HIRA: variants seen among roughly 807,000 people sequenced by gnomAD.
HIRA encodes the protein protein HIRA.
HIRA carries 13 observed loss-of-function variants against 126.6 expected under a neutral mutation model. That is an observed-to-expected ratio of 0.10 (90% CI 0.07 to 0.16). HIRA has a LOEUF of 0.16. Ranked by LOEUF, HIRA falls within the 10% of genes least tolerant of loss-of-function variation. The probability of loss-of-function intolerance (pLI) is 1.00; values close to 1 mark genes in which losing one functional copy is unlikely to be tolerated. For synonymous variants in HIRA, 511 were observed against 520.0 expected (o/e 0.98, Z 0.24); for missense variants, 834 against 1,314.4 (o/e 0.63, Z 5.65).
intron 24 of HIRA, among the ~76,000 whole-genome samples, chr22:19,335,649 A>G (rs1556005763): frequency 6.6e-6 from 1 of 152,108 alleles, no homozygotes; most frequent in East Asian, 1.9e-4. Flanking sequence ...TTACTTAGTT[A>G]CATATAAATA....
intron 4 of HIRA, 25 bp downstream of exon 4, chr22:19,407,159 G>T: frequency 1.3e-6 from 2 of 1,576,278 alleles, no homozygotes; most frequent in Non-Finnish European, 1.7e-6. Context: ...AAAATAAAAT[G>T]TGAAGAAAGG....
At chr22:19,349,879 C>T (rs1319406261) in intron 24 of HIRA, among the ~76,000 whole-genome samples, 1 of 152,212 alleles carries the variant, frequency 6.6e-6, no homozygotes, top group East Asian at 1.9e-4. Flanking sequence ...CCACCTCAGG[C>T]CTTTGCACTT....
intron 13 of HIRA, among the ~76,000 whole-genome samples, chr22:19,382,887 C>A (rs2089089082): frequency 6.6e-6 from 1 of 151,968 alleles, no homozygotes; most frequent in South Asian, 2.1e-4. Context: ...TCTCTTCCCC[C>A]TTCTCTGTCC....
intron 21 of HIRA, among the ~76,000 whole-genome samples, chr22:19,354,941 T>A (rs998607305): frequency 7.0e-5 from 10 of 143,272 alleles, no homozygotes; most frequent in East Asian, 4.0e-4. Flanking sequence ...TTATTTAAAA[T>A]TTTTTTTTTT....
intron 13 of HIRA, 59 bp from the exon 14 acceptor site, chr22:19,378,125 T>C: frequency 7.7e-7 from 1 of 1,301,770 alleles, no homozygotes; most frequent in Non-Finnish European, 1.0e-6. Flanking sequence ...TCCAGTACTT[T>C]ATACATTCAA....
intron 2 of HIRA, 107 bp from the exon 3 acceptor site, chr22:19,408,700 C>T (rs2089326591): frequency 1.5e-6 from 1 of 651,074 alleles, no homozygotes; most frequent in South Asian, 1.7e-5. Flanking sequence ...CTTCCATAAA[C>T]AATAATTAAC....
chr22:19,359,409 G>C lies in HIRA; in HGVS notation c.2161C>G (p.Leu721Val), dbSNP rs1355139779. The change falls in exon 18 of 25, where the codon CTG becomes GTG. Residue 721 changes from leucine to valine, a missense_variant. Transcript: ENST00000263208. Reference sequence around the variant, plus strand: ...TCCTTCCCTTCCCGGTTGCACTTCAGGCGGCTCAGCTTCACGCCCCCCACC... The same window carrying C: ...TCCTTCCCTTCCCGGTTGCACTTCACGCGGCTCAGCTTCACGCCCCCCACC... ...TVVGGVKLSR[L>V]KCNREGKEWE... The C allele has an allele frequency of 6.2e-7, 1 of 1,610,608 alleles. No individual in the cohort carries two copies. Among genetic ancestry groups the C allele is most frequent in the African/African-American group, 1.3e-5 (1 of 74,870 alleles).
intron 15 of HIRA, among the ~76,000 whole-genome samples, chr22:19,371,638 T>C (rs950184188): frequency 6.6e-6 from 1 of 152,290 alleles, no homozygotes; most frequent in East Asian, 1.9e-4. Context: ...TTATCCTCCC[T>C]CCCTCAGACC....
chr22:19,383,766 A>T (rs902097417), intron 12 of HIRA, 61 bp from the exon 13 acceptor site: 13 of 1,316,030 alleles, frequency 9.9e-6, no homozygotes, highest in African/African-American at 1.5e-5. Context: ...TCCAAATATT[A>T]AAAAATAAAG....
At chr22:19,348,547 G>T (rs1556009634) in intron 24 of HIRA, among the ~76,000 whole-genome samples, 1 of 151,600 alleles carries the variant, frequency 6.6e-6, no homozygotes, top group Non-Finnish European at 1.5e-5. Context: ...CTGGGCTGGT[G>T]TGCAATGGCG....
At chr22:19,383,226 T>C (rs909504265) in intron 13 of HIRA, among the ~76,000 whole-genome samples, 2 of 152,166 alleles carry the variant, frequency 1.3e-5, no homozygotes, top group Non-Finnish European at 2.9e-5. Flanking sequence ...TTTTTCTTCT[T>C]TGGGCTTTTA....
intron 17 of HIRA, 79 bp from the exon 18 acceptor site, chr22:19,359,563 G>A: frequency 7.2e-7 from 1 of 1,390,638 alleles, no homozygotes; most frequent in Non-Finnish European, 9.4e-7. Flanking sequence ...TGTAGCCTGG[G>A]GCCCCAAGGC....
chr22:19,400,328 T>C lies in HIRA; in HGVS notation c.398-2241A>G, dbSNP rs149517659. 2.0e-3 allele frequency among the ~76,000 whole-genome samples: 309 copies of C among 152,328 alleles called. 2 individuals are homozygous for C. The highest frequency in any genetic ancestry group is 5.1e-3 in the African/African-American group (211 of 41,588). The stretch of plus-strand genomic sequence containing the variant: ...TGGTGTGTGCTGTATTTGGTGAGGA[T>C]TGAAATTAATTTCTCCTCACTAACT... On this transcript the variant is annotated intron_variant, in intron 5 of 24. Transcript: ENST00000263208.
Position 19,383,725 on chromosome 22 carries a change from T to G in HIRA, c.1330-20A>C. ...AAGATTCTGGCAAAGCAGAGTTACATAAATGAATGCAAAAGTTTTGGCCAA... is the reference window on the plus strand; with the variant it reads ...AAGATTCTGGCAAAGCAGAGTTACAGAAATGAATGCAAAAGTTTTGGCCAA... On this transcript the variant is annotated intron_variant, in intron 12 of 24. Transcript: ENST00000263208. 6.3e-7 allele frequency: 1 copy of G among 1,596,634 alleles called. No individual in the cohort carries two copies. Among genetic ancestry groups the G allele is most frequent in the Non-Finnish European group, 8.6e-7 (1 of 1,167,242 alleles).
intron 13 of HIRA, among the ~76,000 whole-genome samples, chr22:19,380,611 TTTTATTTA>T (rs571446092): frequency 7.2e-5 from 11 of 152,180 alleles, no homozygotes; most frequent in African/African-American, 2.2e-4. Context: ...GATAACTTTA[TTTTATTTA>T]TTTATTTATT....
At chr22:19,427,161 C>T (rs1445777259) in intron 1 of HIRA, among the ~76,000 whole-genome samples, 3 of 152,166 alleles carry the variant, frequency 2.0e-5, no homozygotes, top group African/African-American at 4.8e-5. Flanking sequence ...GCATGCTATA[C>T]GATGTTTAAC....
intron 24 of HIRA, among the ~76,000 whole-genome samples, chr22:19,338,539 T>C (rs182818250): frequency 6.6e-5 from 10 of 152,214 alleles, no homozygotes; most frequent in African/African-American, 2.4e-4. Context: ...AGATACAGAA[T>C]GGCAGAATGG....
intron 1 of HIRA, among the ~76,000 whole-genome samples, chr22:19,414,179 C>T (rs570094236): frequency 2.0e-5 from 3 of 152,328 alleles, no homozygotes; most frequent in South Asian, 4.1e-4. Flanking sequence ...ACCCAATACA[C>T]AGCCAATATA....
chr22:19,405,239 A>AC (rs2089298910), intron 5 of HIRA, among the ~76,000 whole-genome samples: 1 of 152,158 alleles, frequency 6.6e-6, no homozygotes, highest in Admixed American at 6.5e-5. Context: ...GACCAAACGG[A>AC]CTCAGACTCC....
Sources: gnomAD v4.1 joint callset for allele counts (sites outside exome capture counted in the v4.1 genomes callset) on GRCh38, gnomAD v4.1.1 for gene constraint, MANE v1.5 for transcripts, NCBI Gene and HGNC (gene_info 2026-07-23, HGNC 2026-07-21) for gene names.